The following MAGI1 variants were observed in gnomAD, a reference collection of about 807,000 sequenced individuals.
MAGI1 encodes membrane-associated guanylate kinase, WW and PDZ domain-containing protein 1.
MAGI1 carries 58 observed loss-of-function variants against 139.9 expected under a neutral mutation model. The observed-to-expected ratio is 0.41, with a 90% CI of 0.34 to 0.52. The LOEUF (loss-of-function observed/expected upper bound fraction) is 0.52. Among genes scored for constraint, MAGI1 ranks in the 20% least tolerant of loss-of-function variants. MAGI1 has a pLI of 0.12. For missense variants in MAGI1, 1,874 were observed against 1,901.6 expected (o/e 0.99, Z 0.27); for synonymous variants, 812 against 737.9 (o/e 1.10, Z -1.63).
At chr3:65,413,716 C>T (rs962799791) in intron 12 of MAGI1, among the ~76,000 whole-genome samples, 5 of 152,170 alleles carry the variant, frequency 3.3e-5, no homozygotes, top group Middle Eastern at 3.2e-3. Flanking sequence ...TGAGGCAGTG[C>T]TCACTGTACC....
At chr3:65,569,816 A>G (rs1917526) in intron 2 of MAGI1, among the ~76,000 whole-genome samples, 12,104 of 151,976 alleles carry the variant, frequency 0.08, 585 homozygotes, top group Admixed American at 0.13. Context: ...TCAAGGCTGC[A>G]GTGAGCCATG....
chr3:65,482,547 C>T (rs764106543), intron 3 of MAGI1, among the ~76,000 whole-genome samples: 1 of 152,178 alleles, frequency 6.6e-6, no homozygotes, highest in Non-Finnish European at 1.5e-5. Flanking sequence ...CTGTAGCAAC[C>T]TCATAGGATT....
At chr3:65,722,772 G>C (rs2033183071) in intron 1 of MAGI1, among the ~76,000 whole-genome samples, 1 of 150,050 alleles carries the variant, frequency 6.7e-6, no homozygotes, top group African/African-American at 2.5e-5. Flanking sequence ...AACGTTAGCA[G>C]AAGTTTCACA....
chr3:65,940,480 A>C (rs2106830191), intron 1 of MAGI1, among the ~76,000 whole-genome samples: 1 of 152,298 alleles, frequency 6.6e-6, no homozygotes. Flanking sequence ...GAAAGTGAGA[A>C]AGCTCTCTGG....
intron 13 of MAGI1, 36 bp from the exon 14 acceptor site, chr3:65,391,394 GATTATTA>G (rs1224448441): frequency 1.3e-6 from 2 of 1,561,558 alleles, no homozygotes. Context: ...AAGAAGAAAA[GATTATTA>G]TTGGTTCTCT....
At chr3:65,375,026 G>C (rs1942364142) in intron 18 of MAGI1, among the ~76,000 whole-genome samples, 1 of 152,106 alleles carries the variant, frequency 6.6e-6, no homozygotes, top group Non-Finnish European at 1.5e-5. Flanking sequence ...TACTGGCTCT[G>C]AATTGCCACC....
chr3:65,631,879 G>C (rs2084329959), intron 1 of MAGI1, among the ~76,000 whole-genome samples: 1 of 151,970 alleles, frequency 6.6e-6, no homozygotes, highest in Non-Finnish European at 1.5e-5. Flanking sequence ...CAAAAAATTA[G>C]ACGGGCGTGG....
rs1422604729 is a variant in MAGI1, at chr3:65,510,582, A to C, written c.431-16951T>G. On this transcript the variant is annotated intron_variant, in intron 2 of 22. Transcript: ENST00000402939. ...ATGGAAGATGAAATGAATGAAATGA[A>C]GCGAGAAGGGAAGTTTAGAGAAAAA... Among the ~76,000 whole-genome samples the C allele has an allele frequency of 2.8e-3, 395 of 143,390 alleles. 1 individual carries two copies. Among genetic ancestry groups the C allele is most frequent in the African/African-American group, 9.4e-3 (361 of 38,320 alleles). 94.1% of individuals were successfully genotyped at this position (143,390 alleles called of 152,430 possible).
intron 1 of MAGI1, among the ~76,000 whole-genome samples, chr3:65,654,768 T>G (rs1186635283): frequency 6.6e-6 from 1 of 152,186 alleles, no homozygotes; most frequent in East Asian, 1.9e-4. Flanking sequence ...GGGCATGAAG[T>G]GAACATCTGT....
At chr3:65,796,086 G>C (rs1422169467) in intron 1 of MAGI1, among the ~76,000 whole-genome samples, 1 of 147,464 alleles carries the variant, frequency 6.8e-6, no homozygotes, top group Non-Finnish European at 1.5e-5. Context: ...GAAAAGAAAA[G>C]AAATTGGCTT....
intron 2 of MAGI1, among the ~76,000 whole-genome samples, chr3:65,591,714 C>G (rs917242057): frequency 1.3e-5 from 2 of 152,152 alleles, no homozygotes; most frequent in Non-Finnish European, 2.9e-5. Context: ...TAGTTCTAAC[C>G]CTTGTTCACT....
At chr3:65,427,144 T>C (rs1450898172) in intron 12 of MAGI1, among the ~76,000 whole-genome samples, 2 of 152,020 alleles carry the variant, frequency 1.3e-5, no homozygotes, top group Non-Finnish European at 2.9e-5. Flanking sequence ...AGAAATCATT[T>C]CTACTGAAAA....
intron 1 of MAGI1, among the ~76,000 whole-genome samples, chr3:65,795,590 T>C (rs912199629): frequency 5.3e-5 from 8 of 152,202 alleles, no homozygotes; most frequent in African/African-American, 1.9e-4. Flanking sequence ...TAGTATTTCT[T>C]ACAACTACTT....
chr3:65,577,135 C>T (rs62253365), intron 2 of MAGI1, among the ~76,000 whole-genome samples: 97,373 of 152,000 alleles, frequency 0.64, 32,503 homozygotes, highest in East Asian at 0.94. Flanking sequence ...CTTGGAGTTA[C>T]ATTTTACTCA....
chr3:65,582,002 T>C (rs1342305802), intron 2 of MAGI1, among the ~76,000 whole-genome samples: 2 of 152,210 alleles, frequency 1.3e-5, no homozygotes, highest in African/African-American at 2.4e-5. Context: ...ATGTCAGGCA[T>C]TGCACTAGCC....
intron 12 of MAGI1, among the ~76,000 whole-genome samples, chr3:65,416,573 T>C (rs1289473528): frequency 6.6e-6 from 1 of 152,190 alleles, no homozygotes; most frequent in Non-Finnish European, 1.5e-5. Flanking sequence ...AATAGCACGG[T>C]GCTAAAGTTT....
At chr3:65,375,468 T>G (rs1040085718) in intron 18 of MAGI1, among the ~76,000 whole-genome samples, 3 of 151,892 alleles carry the variant, frequency 2.0e-5, no homozygotes, top group African/African-American at 7.3e-5. Flanking sequence ...ATTACAGGCG[T>G]GAGCCACCGC....
chr3:65,496,280 C>T (rs1952442930), intron 2 of MAGI1, among the ~76,000 whole-genome samples: 1 of 151,634 alleles, frequency 6.6e-6, no homozygotes, highest in Admixed American at 6.6e-5. Flanking sequence ...TGGCTTCAAG[C>T]AGTCCTCCTA....
At position 65,430,744 on chromosome 3, in the gene MAGI1, A is replaced by C; in HGVS notation, c.1501T>G (p.Leu501Val). 6.2e-7 allele frequency: 1 copy of C among 1,613,728 alleles called. No individual in the cohort carries two copies. The highest frequency in any genetic ancestry group is 8.5e-7 in the Non-Finnish European group (1 of 1,179,772). The change falls in exon 11 of 23, where the codon TTG becomes GTG. Residue 501 changes from leucine to valine, a missense_variant. Leu to Val is a conservative substitution (Grantham distance 32). Around this residue, in one of 5 missense-constraint regions of MAGI1, gnomAD observed 86 missense variants for 130.0 expected, o/e 0.66. Transcript: ENST00000402939. ...AATGCAGCAGGACCATCTAGGACCA[A>C]GCTCTTGATCTGGAGAAACTCATCA... ...EPDEFLQIKSLVLDGPAALDG... is the reference protein window; with the variant it reads ...EPDEFLQIKSVVLDGPAALDG...
Sources: allele counts gnomAD v4.1 joint callset (sites outside exome capture counted in the v4.1 genomes callset), GRCh38; gene constraint gnomAD v4.1.1; regional missense constraint gnomAD v4.1.1; transcripts MANE v1.5; gene names NCBI Gene and HGNC (gene_info 2026-07-23, HGNC 2026-07-21).